CDH11: variants seen among roughly 807,000 people sequenced by gnomAD.
CDH11 encodes cadherin 11, also known as cadherin-11.
A neutral mutation model predicts 67.8 loss-of-function variants in CDH11; 11 were observed. That is an observed-to-expected ratio of 0.16 (90% CI 0.10 to 0.27). The LOEUF (loss-of-function observed/expected upper bound fraction) is 0.27. Among genes scored for constraint, CDH11 ranks in the 10% least tolerant of loss-of-function variants. CDH11 has a pLI of 1.00. For synonymous variants in CDH11, 419 were observed against 400.0 expected (o/e 1.05, Z -0.57); for missense variants, 847 against 1,031.2 (o/e 0.82, Z 2.45).
rs187077578 is a variant in CDH11, at chr16:64,959,838, G to A, written c.1643-8820C>T. Among the ~76,000 whole-genome samples the A allele has an allele frequency of 2.3e-3, 347 of 152,282 alleles. 2 individuals are homozygous for A. Among genetic ancestry groups the A allele is most frequent in the Non-Finnish European group, 4.0e-3 (270 of 67,998 alleles). ...CTAGTTTGTGCTGCTCATAAAAAAT[G>A]TCCTTAGTTCGGGGGGAAAACAGAA... On this transcript the variant is annotated intron_variant, in intron 11 of 12. Transcript: ENST00000268603.
intron 4 of CDH11, among the ~76,000 whole-genome samples, chr16:64,993,694 A>G (rs1270288129): frequency 6.6e-6 from 1 of 152,174 alleles, no homozygotes; most frequent in African/African-American, 2.4e-5. Flanking sequence ...GGTCAGAACG[A>G]AGGGAAACCA....
chr16:65,067,535 T>A (rs575902911), intron 1 of CDH11, among the ~76,000 whole-genome samples: 1 of 152,238 alleles, frequency 6.6e-6, no homozygotes, highest in Non-Finnish European at 1.5e-5. Context: ...TTGTGCTCAT[T>A]GATTTATTGT....
intron 1 of CDH11, among the ~76,000 whole-genome samples, chr16:65,096,424 T>C (rs1246753413): frequency 6.9e-6 from 1 of 144,794 alleles, no homozygotes; most frequent in African/African-American, 2.7e-5. Context: ...TGTGTGTGTG[T>C]GTGTGTGTGT....
intron 1 of CDH11, among the ~76,000 whole-genome samples, chr16:65,108,459 C>T (rs115076446): frequency 0.023 from 3,521 of 152,114 alleles, 160 homozygotes; most frequent in African/African-American, 0.079. Flanking sequence ...TTGTAAGCTC[C>T]CCCAAATAAT....
intron 1 of CDH11, among the ~76,000 whole-genome samples, chr16:65,087,163 C>T (rs181098204): frequency 2.9e-3 from 442 of 152,232 alleles, no homozygotes; most frequent in Non-Finnish European, 4.9e-3. Flanking sequence ...TTGCACCTGA[C>T]ACAGGTATTG....
In CDH11 at chr16:65,121,098, C is replaced by A. The variant is rs1278329780; in HGVS notation, c.-298+782G>T. ...GGGAAGGTGTGGTTCTCAAAGTTAA[C>A]GTTGACCCTGGCAGCTTTCGCCAAT... On this transcript the variant is annotated intron_variant, in intron 1 of 12. Coordinates refer to ENST00000268603, the MANE Select transcript of CDH11 (RefSeq NM_001797.4). The surrounding 1 kb of genome is among the most constrained non-coding windows in gnomAD (Gnocchi z 4.1). 3.9e-5 allele frequency among the ~76,000 whole-genome samples: 6 copies of A among 152,078 alleles called. No homozygotes were observed. In the East Asian group the frequency reaches 1.2e-3, roughly 30 times the overall value.
intron 1 of CDH11, among the ~76,000 whole-genome samples, chr16:65,102,237 C>T (rs1398846825): frequency 6.6e-6 from 1 of 152,188 alleles, no homozygotes; most frequent in African/African-American, 2.4e-5. Flanking sequence ...TTAAAAAATT[C>T]ATGTTGAAAA....
Position 65,056,863 on chromosome 16 carries a change from C to T in CDH11, c.-297-2935G>A, listed in dbSNP as rs541541554. Among the ~76,000 whole-genome samples the T allele has an allele frequency of 9.9e-5, 15 of 152,268 alleles. No homozygotes were observed. In the South Asian group the frequency reaches 2.1e-3, roughly 21 times the overall value. On this transcript the variant is annotated intron_variant, in intron 1 of 12. Transcript: ENST00000268603. ...ACTTTGTCTTGCATTCTTTACCTCC[C>T]TGCAAAATGTTTCCTATAGAAATCC...
intron 1 of CDH11, among the ~76,000 whole-genome samples, chr16:65,092,611 G>T (rs1201252759): frequency 2.0e-5 from 3 of 152,158 alleles, no homozygotes; most frequent in African/African-American, 7.2e-5. Flanking sequence ...CATGGCCACA[G>T]CCAAGTGGCC....
intron 1 of CDH11, among the ~76,000 whole-genome samples, chr16:65,110,914 T>C (rs557211698): frequency 6.6e-6 from 1 of 152,260 alleles, no homozygotes; most frequent in Admixed American, 6.5e-5. Flanking sequence ...CTAAATGGAA[T>C]GAGTAACACA....
intron 2 of CDH11, chr16:65,006,712 G>T (rs1386299064): frequency 2.0e-5 from 3 of 152,168 alleles, no homozygotes; most frequent in African/African-American, 7.2e-5. Context: ...ATGGGTCAAG[G>T]TCTGATATGG....
intron 2 of CDH11, among the ~76,000 whole-genome samples, chr16:65,037,851 T>A (rs191931227): frequency 2.6e-5 from 4 of 152,030 alleles, no homozygotes; most frequent in African/African-American, 9.6e-5. Context: ...GAGCAGTCAC[T>A]TGCCCAGTAG....
chr16:64,976,585 T>G (rs1018795079), intron 8 of CDH11, among the ~76,000 whole-genome samples: 2 of 152,226 alleles, frequency 1.3e-5, no homozygotes, highest in African/African-American at 4.8e-5. Flanking sequence ...CCTTGCCTGA[T>G]GGCTCAAGCC....
In CDH11 at chr16:64,998,739, A is replaced by G. The variant is rs749127824; in HGVS notation, c.346T>C (p.Leu116=). 23 of 1,613,850 alleles carry G rather than the reference A, an allele frequency of 1.4e-5. 1 individual carries two copies. The South Asian group carries it at 2.4e-4, about 17-fold the overall frequency. ...TACTGGGCTCTCTCTTCTCGATCCA[A>G]CGTCTTGGTGGCATGAATGTTCCCT... ...KSGNIHATKT[L]DREERAQYTL... is the part of the protein sequence containing the mutation. The change falls in exon 4 of 13, where the codon TTG becomes CTG. Residue 116 remains leucine, a synonymous_variant. Transcript: ENST00000268603.
intron 1 of CDH11, among the ~76,000 whole-genome samples, chr16:65,079,042 A>G (rs1394039995): frequency 6.6e-6 from 1 of 152,228 alleles, no homozygotes; most frequent in Admixed American, 6.5e-5. Flanking sequence ...GGTCCACTTC[A>G]TGAATTTTGA....
chr16:65,036,440 G>A (rs904203741), intron 2 of CDH11, among the ~76,000 whole-genome samples: 2 of 152,096 alleles, frequency 1.3e-5, no homozygotes, highest in African/African-American at 4.8e-5. Flanking sequence ...CTCTTCCACA[G>A]AGACTGTAGT....
chr16:65,099,680 G>A (rs969721095), intron 1 of CDH11, among the ~76,000 whole-genome samples: 2 of 152,160 alleles, frequency 1.3e-5, no homozygotes, highest in African/African-American at 4.8e-5. Flanking sequence ...AGATGGAGAT[G>A]TGCCCATGTA....
At chr16:65,109,822 C>A (rs2075126521) in intron 1 of CDH11, among the ~76,000 whole-genome samples, 1 of 152,164 alleles carries the variant, frequency 6.6e-6, no homozygotes, top group South Asian at 2.1e-4. Context: ...GGACTTCTAC[C>A]CAGGTCCTGA....
chr16:65,116,094 G>C (rs1251004697), intron 1 of CDH11, among the ~76,000 whole-genome samples: 2 of 152,158 alleles, frequency 1.3e-5, no homozygotes, highest in Non-Finnish European at 2.9e-5. Flanking sequence ...TTCCAAGAAT[G>C]AATAACTGGT....
Sources: allele counts gnomAD v4.1 joint callset (sites outside exome capture counted in the v4.1 genomes callset), GRCh38; gene constraint gnomAD v4.1.1; non-coding constraint Gnocchi (gnomAD v3.1); transcripts MANE v1.5; gene names NCBI Gene and HGNC (gene_info 2026-07-23, HGNC 2026-07-21).